RILP: variants seen among roughly 807,000 people sequenced by gnomAD.
RILP encodes rab-interacting lysosomal protein.
In RILP, 53 loss-of-function variants were observed where a neutral mutation model predicts 40.0. That is an observed-to-expected ratio of 1.32 (90% confidence interval 1.06 to 1.66). The LOEUF (loss-of-function observed/expected upper bound fraction) is 1.66, where lower values mean the gene tolerates loss of function less well. Among genes scored for constraint, RILP ranks in the 40% most tolerant of loss-of-function variants. The pLI is 0.00. For missense variants in RILP, 626 were observed against 551.7 expected (o/e 1.13, Z -1.35); for synonymous variants, 272 against 250.6 (o/e 1.09, Z -0.80).
Position 1,649,649 on chromosome 17 carries a change from G to T in RILP, c.156C>A (p.Ala52=). The part of the protein sequence containing the change: ...LARRFGPEAA[A]GLVPLVVRAL... ...CCCGCACCACTAGCGGCACCAGCCC[G>T]GCCGCCGCCTCCGGCCCGAAACGGC... Residue 52 remains alanine, a synonymous_variant, in exon 1 of 8, where the codon GCC becomes GCA. Transcript: ENST00000301336. The surrounding 1 kb of genome is among the most constrained non-coding windows in gnomAD (Gnocchi z 4.3). 3.1e-6 allele frequency: 5 copies of T among 1,587,482 alleles called. No individual in the cohort carries two copies. The highest frequency in any genetic ancestry group is 4.3e-6 in the Non-Finnish European group (5 of 1,174,640).
chr17:1,649,075 GGGCACCGA>G lies in RILP; in HGVS notation c.430-39_430-32del. On this transcript the variant is annotated intron_variant, in intron 3 of 7. Transcript: ENST00000301336. The surrounding 1 kb of genome is among the most constrained non-coding windows in gnomAD (Gnocchi z 4.3). ...AGCGGAGCAAAGGGTGGGGTGGGCG[GGGCACCGA>G]GGGCCCCCCGGAGCCCCGCCCAGCG... 1.5e-5 allele frequency: 3 copies of G among 196,562 alleles called. No individual in the cohort carries two copies. The highest frequency in any genetic ancestry group is 2.0e-5 in the Non-Finnish European group (2 of 97,834). The allele number at this position is 196,562 out of a possible 1,614,324, so 12.2% of individuals were successfully genotyped here. A position where few individuals can be genotyped will look rare whatever the true frequency, so the allele number is the denominator to read the frequency against.
Position 1,648,561 on chromosome 17 carries a change from TG to T in RILP, c.676-67del. ...GCGTTCCCCCGCCCCAGGGCCATCA[TG>T]GGAATGCTAGAGGAAGTGACGGGCC... On this transcript the variant is annotated intron_variant, in intron 4 of 7. Coordinates refer to ENST00000301336, the MANE Select transcript of RILP (RefSeq NM_031430.3). This position sits in a 1 kb window ranked among gnomAD's most constrained non-coding sequence, Gnocchi z 4.9. The T allele has an allele frequency of 3.8e-6, 6 of 1,581,018 alleles. No individual in the cohort carries two copies. The highest frequency in any genetic ancestry group is 5.1e-6 in the Non-Finnish European group (6 of 1,167,452).
At position 1,646,425 on chromosome 17, in the gene RILP, A is replaced by G; in HGVS notation, c.*17T>C. 2 of 1,542,380 alleles carry G rather than the reference A, an allele frequency of 1.3e-6. No individual in the cohort carries two copies. On this transcript the variant is annotated 3_prime_UTR_variant, in exon 8 of 8. Coordinates refer to ENST00000301336, the MANE Select transcript of RILP (RefSeq NM_031430.3). This position sits in a 1 kb window ranked among gnomAD's most constrained non-coding sequence, Gnocchi z 4.3. Reference sequence around the variant, plus strand: ...CTCATTTGAGGCCACACATCCTTCCACAGCCAGACCCCTAAGTCAGGCCTC... The same window carrying G: ...CTCATTTGAGGCCACACATCCTTCCGCAGCCAGACCCCTAAGTCAGGCCTC...
chr17:1,648,462 C>A lies in RILP; in HGVS notation c.709G>T (p.Glu237Ter). The A allele has an allele frequency of 6.2e-7, 1 of 1,613,826 alleles. No homozygotes were observed. The highest frequency in any genetic ancestry group is 1.3e-5 in the African/African-American group (1 of 75,060). Reference protein sequence around the residue: ...EAAQQLGRPSEAGQCRFSREE... With the variant: ...EAAQQLGRPS ...CGACTGAAGCGGCACTGCCCTGCCT[C>A]CGAGGGGCGCCCGAGCTGCTGCGCG... The change falls in exon 5 of 8, where the codon GAG becomes TAG. Residue 237 changes from glutamate (E) to a stop codon, truncating the protein, a stop_gained. Transcript: ENST00000301336. LOFTEE classifies it high-confidence loss of function. The surrounding 1 kb of genome is among the most constrained non-coding windows in gnomAD (Gnocchi z 4.9).
Position 1,648,396 on chromosome 17 carries a change from T to C in RILP, c.775A>G (p.Lys259Glu), listed in dbSNP as rs1313573073. 6 of 1,614,062 alleles carry C rather than the reference T, an allele frequency of 3.7e-6. No individual in the cohort carries two copies. Among genetic ancestry groups the C allele is most frequent in the Non-Finnish European group, 5.1e-6 (6 of 1,180,024 alleles). ...TCCTTGAGCAGGAACACTTTGGCTT[T>C]GAGTTCATTCCGCTCCTGAAGGATC... ...EQILQERNEL[K>E]AKVFLLKEEL... Residue 259 changes from lysine to glutamate, a missense_variant, in exon 5 of 8, where the codon AAA (lysine) becomes GAA (glutamate). Transcript: ENST00000301336. The surrounding 1 kb of genome is among the most constrained non-coding windows in gnomAD (Gnocchi z 4.9).
chr17:1,646,644 T>C lies in RILP; in HGVS notation c.1029-25A>G. ...GCTGGAGAGAGACAGCCAGAGGCAC[T>C]TTGAGCCAGGAAGCCAGAGAGGTCA... On this transcript the variant is annotated intron_variant, in intron 7 of 7. Coordinates refer to ENST00000301336, the MANE Select transcript of RILP (RefSeq NM_031430.3). The surrounding 1 kb of genome is among the most constrained non-coding windows in gnomAD (Gnocchi z 4.3). The C allele has an allele frequency of 1.3e-6, 2 of 1,546,548 alleles. No individual in the cohort carries two copies. The highest frequency in any genetic ancestry group is 1.7e-6 in the Non-Finnish European group (2 of 1,145,552).
At position 1,649,593 on chromosome 17, in the gene RILP, C is replaced by T. The variant is rs770135146; in HGVS notation, c.212G>A (p.Gly71Glu). The change falls in exon 1 of 8, where the codon GGG becomes GAG. Residue 71 changes from glycine to glutamate, a missense_variant. Physicochemically the swap from Gly to Glu is moderately conservative, Grantham distance 98. Transcript: ENST00000301336. This position sits in a 1 kb window ranked among gnomAD's most constrained non-coding sequence, Gnocchi z 4.3. ...ATGACTCACCGAGTCCGGGGCGGGCCCCACGGCAGCCTGTTCCAAGAGCTC... is the reference window on the plus strand; with the variant it reads ...ATGACTCACCGAGTCCGGGGCGGGCTCCACGGCAGCCTGTTCCAAGAGCTC... Reference protein sequence around the residue: ...ALELLEQAAVGPAPDSLQVSA... With the variant: ...ALELLEQAAVEPAPDSLQVSA... The T allele has an allele frequency of 8.3e-6, 13 of 1,567,966 alleles. No individual in the cohort carries two copies. The East Asian group carries it at 2.8e-4, about 34-fold the overall frequency.
chr17:1,648,024 G>A lies in RILP; in HGVS notation c.822-67C>T. Reference sequence around the variant, plus strand: ...CAGCCATGGGGATGCCAGCAGTGGAGATGCCAGCCGCAGTCCTCACTCCTG... The same window carrying A: ...CAGCCATGGGGATGCCAGCAGTGGAAATGCCAGCCGCAGTCCTCACTCCTG... On this transcript the variant is annotated intron_variant, in intron 5 of 7. Transcript: ENST00000301336. The surrounding 1 kb of genome is among the most constrained non-coding windows in gnomAD (Gnocchi z 4.9). 2 of 1,591,190 alleles carry A rather than the reference G, an allele frequency of 1.3e-6. No homozygotes were observed. The highest frequency in any genetic ancestry group is 1.7e-6 in the Non-Finnish European group (2 of 1,168,722).
In RILP at chr17:1,648,631, G is replaced by C. The variant is rs541955272; in HGVS notation, c.676-136C>G. On this transcript the variant is annotated intron_variant, in intron 4 of 7. Coordinates refer to ENST00000301336, the MANE Select transcript of RILP (RefSeq NM_031430.3). This position sits in a 1 kb window ranked among gnomAD's most constrained non-coding sequence, Gnocchi z 4.9. ...GGGTGCCCTAACAGATAACAGAGCA[G>C]TGCTCCAGCTGAGAGCGGGGGCCGA... 233 of 1,416,148 alleles carry C rather than the reference G, an allele frequency of 1.6e-4. No homozygotes were observed. The highest frequency in any genetic ancestry group is 2.0e-4 in the Non-Finnish European group (214 of 1,074,688). The allele number at this position is 1,416,148 out of a possible 1,614,324, so 87.7% of individuals were successfully genotyped here.
chr17:1,647,723 T>TGAC, intron 6 of RILP, 112 bp downstream of exon 6: 4 of 1,388,914 alleles, frequency 2.9e-6, no homozygotes, highest in Non-Finnish European at 4.0e-6. Context: ...CGGGTTGGGG[T>TGAC]GACAGCCTCA....
rs564759082 is a variant in RILP, at chr17:1,648,757, G to A, written c.675+42C>T. On this transcript the variant is annotated intron_variant, in intron 4 of 7. Transcript: ENST00000301336. This position sits in a 1 kb window ranked among gnomAD's most constrained non-coding sequence, Gnocchi z 4.9. ...CTTGAGTGCCCACCGAGGGCTGGAC[G>A]CTGCGTCCTGGGCTGGGTCCTTGCC... 8.2e-6 allele frequency: 12 copies of A among 1,464,224 alleles called. No homozygotes were observed. The Admixed American group carries it at 1.5e-4, about 19-fold the overall frequency. The allele number at this position is 1,464,224 out of a possible 1,614,324, so 90.7% of individuals were successfully genotyped here.
rs1910750885 is a variant in RILP, at chr17:1,648,601, G to A, written c.676-106C>T. 6.7e-7 allele frequency: 1 copy of A among 1,489,744 alleles called. No homozygotes were observed. Among genetic ancestry groups the A allele is most frequent in the Non-Finnish European group, 8.9e-7 (1 of 1,119,298 alleles). 92.3% of individuals were successfully genotyped at this position (1,489,744 alleles called of 1,614,324 possible). On this transcript the variant is annotated intron_variant, in intron 4 of 7. Transcript: ENST00000301336. This position sits in a 1 kb window ranked among gnomAD's most constrained non-coding sequence, Gnocchi z 4.9. ...AAGTGACGGGCCGGGAGACTTGGGG[G>A]ACAAGGGTGCCCTAACAGATAACAG... is the stretch of plus-strand genomic sequence containing the variant.
rs1414243867 is a variant in RILP, at chr17:1,646,164, G to A, written c.*278C>T. ...GCGAGGAACAGTTTCTGTGTATTAC[G>A]GGCAGTTCTTTATTACATGAGCTCA... On this transcript the variant is annotated 3_prime_UTR_variant, in exon 8 of 8. Coordinates refer to ENST00000301336, the MANE Select transcript of RILP (RefSeq NM_031430.3). This position sits in a 1 kb window ranked among gnomAD's most constrained non-coding sequence, Gnocchi z 4.3. 49 of 452,010 alleles carry A rather than the reference G, an allele frequency of 1.1e-4. 1 individual carries two copies. In the Middle Eastern group the frequency reaches 1.7e-3, roughly 15 times the overall value. The allele number at this position is 452,010 out of a possible 1,614,324, so 28.0% of individuals were successfully genotyped here. A position where few individuals can be genotyped will look rare whatever the true frequency, so the allele number is the denominator to read the frequency against.
In RILP at chr17:1,648,787, T is replaced by A. The variant is rs368877769; in HGVS notation, c.675+12A>T. ...GTCCTGGGCTGGGTCCTTGCCCTCA[T>A]ACGGCACTCACCGGGTCCTCAGGGT... On this transcript the variant is annotated intron_variant, in intron 4 of 7. Coordinates refer to ENST00000301336, the MANE Select transcript of RILP (RefSeq NM_031430.3). This position sits in a 1 kb window ranked among gnomAD's most constrained non-coding sequence, Gnocchi z 4.9. 3.5e-5 allele frequency: 52 copies of A among 1,500,736 alleles called. No individual in the cohort carries two copies. The highest frequency in any genetic ancestry group is 1.9e-4 in the Middle Eastern group (1 of 5,334). The allele number at this position is 1,500,736 out of a possible 1,614,324, so 93.0% of individuals were successfully genotyped here.
chr17:1,649,728 T>C lies in RILP; in HGVS notation c.77A>G (p.Glu26Gly). The change falls in exon 1 of 8, where the codon GAG (glutamate) becomes GGG (glycine). Residue 26 changes from glutamate (E) to glycine (G), a missense_variant. Coordinates refer to ENST00000301336, the MANE Select transcript of RILP (RefSeq NM_031430.3). The surrounding 1 kb of genome is among the most constrained non-coding windows in gnomAD (Gnocchi z 4.3). ...GGCCCCGGCTAGATGGTACACAAGC[T>C]CCGCGGCCGATGCCGACCCCGCGGC... Reference protein sequence around the residue: ...REAAGSASAAELVYHLAGALG... With the variant: ...REAAGSASAAGLVYHLAGALG... 1 of 1,591,342 alleles carries C rather than the reference T, an allele frequency of 6.3e-7. No homozygotes were observed. Among genetic ancestry groups the C allele is most frequent in the South Asian group, 1.1e-5 (1 of 89,986 alleles).
chr17:1,648,520 A>G lies in RILP; in HGVS notation c.676-25T>C, dbSNP rs779173262. ...CCTTTGGAAGGACAGGCACAGTCAG[A>G]GGGTCGCCTCGGCTGGCGTTCCCCC... On this transcript the variant is annotated intron_variant, in intron 4 of 7. Coordinates refer to ENST00000301336, the MANE Select transcript of RILP (RefSeq NM_031430.3). This position sits in a 1 kb window ranked among gnomAD's most constrained non-coding sequence, Gnocchi z 4.9. The G allele has an allele frequency of 6.2e-7, 1 of 1,607,014 alleles. No individual in the cohort carries two copies. Among genetic ancestry groups the G allele is most frequent in the Non-Finnish European group, 8.5e-7 (1 of 1,177,846 alleles).
At position 1,649,022 on chromosome 17, in the gene RILP, A is replaced by T. The variant is rs769779451; in HGVS notation, c.452T>A (p.Leu151His). Reference protein sequence around the residue: ...TEALQEQLQRLLLVNAELRHK... With the variant: ...TEALQEQLQRHLLVNAELRHK... Reference sequence around the variant, plus strand: ...CCGCAGCTCAGCGTTCACCAGCAGGAGGCGCTGCAGCTGCTCCTGCAACTG... The same window carrying T: ...CCGCAGCTCAGCGTTCACCAGCAGGTGGCGCTGCAGCTGCTCCTGCAACTG... Residue 151 changes from leucine to histidine, a missense_variant, in exon 4 of 8, where the codon CTC (leucine) becomes CAC (histidine). Transcript: ENST00000301336. The surrounding 1 kb of genome is among the most constrained non-coding windows in gnomAD (Gnocchi z 4.3). The T allele has an allele frequency of 1.6e-4, 184 of 1,131,560 alleles. 2 individuals are homozygous for T. The South Asian group carries it at 2.0e-3, about 12-fold the overall frequency. 70.1% of individuals were successfully genotyped at this position (1,131,560 alleles called of 1,614,324 possible).
At position 1,649,145 on chromosome 17, in the gene RILP, C is replaced by G. The variant is rs1597219790; in HGVS notation, c.429+55G>C. On this transcript the variant is annotated intron_variant, in intron 3 of 7. Transcript: ENST00000301336. This position sits in a 1 kb window ranked among gnomAD's most constrained non-coding sequence, Gnocchi z 4.3. The stretch of plus-strand genomic sequence containing the variant: ...CCGCCCCCGCCCCCGGAGCCCCGCC[C>G]AGCGCCTGCCACGCTCCGCCCCCGC... The G allele has an allele frequency of 8.1e-7, 1 of 1,236,964 alleles. No homozygotes were observed. The highest frequency in any genetic ancestry group is 1.0e-6 in the Non-Finnish European group (1 of 980,400). The allele number at this position is 1,236,964 out of a possible 1,614,324, so 76.6% of individuals were successfully genotyped here.
rs967551945 is a variant in RILP at position 1,649,388 on chromosome 17, T to C, written c.322+24A>G. On this transcript the variant is annotated intron_variant, in intron 2 of 7. Transcript: ENST00000301336. The surrounding 1 kb of genome is among the most constrained non-coding windows in gnomAD (Gnocchi z 4.3). Reference sequence around the variant, plus strand: ...GACCCGAGCAGGTCGTCACCCGCCCTGCCCTGGCCGGGGCTGCGCTTACCC... The same window carrying C: ...GACCCGAGCAGGTCGTCACCCGCCCCGCCCTGGCCGGGGCTGCGCTTACCC... 8 of 1,499,664 alleles carry C rather than the reference T, an allele frequency of 5.3e-6. No homozygotes were observed. In the East Asian group the frequency reaches 1.9e-4, roughly 36 times the overall value. 92.9% of individuals were successfully genotyped at this position (1,499,664 alleles called of 1,614,324 possible).
Sources: gnomAD v4.1 joint callset for allele counts on GRCh38, gnomAD v4.1.1 for gene constraint, Gnocchi (gnomAD v3.1) non-coding constraint, MANE v1.5 for transcripts, NCBI Gene and HGNC (gene_info 2026-07-23, HGNC 2026-07-21) for gene names.